The following ZC3H12B variants were observed in gnomAD, a reference collection of about 807,000 sequenced individuals.
ZC3H12B encodes the protein probable ribonuclease ZC3H12B.
Under a neutral mutation model 43.9 loss-of-function variants are expected in ZC3H12B, and 7 were observed. The ratio of observed to expected loss-of-function variants is 0.16; its 90% confidence interval spans 0.09 to 0.30. The LOEUF (loss-of-function observed/expected upper bound fraction) is 0.30, where lower values mean the gene tolerates loss of function less well. Among genes scored for constraint, ZC3H12B ranks in the 10% least tolerant of loss-of-function variants. ZC3H12B has a pLI of 1.00. For synonymous variants in ZC3H12B, 222 were observed against 241.7 expected, an observed-to-expected ratio of 0.92 and a Z score of 0.76; for missense variants, 475 against 670.2, an observed-to-expected ratio of 0.71 and a Z score of 3.22.
chrX:65,440,983 G>A (rs1202563298), intron 3 of ZC3H12B, among the ~76,000 whole-genome samples: 2 of 112,301 alleles, frequency 1.8e-5, no homozygotes, highest in Non-Finnish European at 1.9e-5. Context: ...AACAATGGCT[G>A]CCATCAAAAT....
intron 3 of ZC3H12B, among the ~76,000 whole-genome samples, chrX:65,462,129 C>T (rs186452347): frequency 1.8e-5 from 2 of 111,352 alleles, no homozygotes; most frequent in African/African-American, 6.5e-5. Context: ...GATTCAATTG[C>T]CTATTAAAAA....
chrX:65,120,523 G>A, the ZC3H12B span, among the ~76,000 whole-genome samples: 14 of 111,656 alleles, frequency 1.3e-4, no homozygotes, highest in Non-Finnish European at 2.3e-4. Context: ...TGCTGAAGTT[G>A]CCTATCAGCT....
the ZC3H12B span, among the ~76,000 whole-genome samples, chrX:65,169,558 T>A: frequency 1.1e-3 from 118 of 112,053 alleles, no homozygotes; most frequent in African/African-American, 3.7e-3. Flanking sequence ...ATCTGCTTAG[T>A]GCACAGCTGA....
the ZC3H12B span, among the ~76,000 whole-genome samples, chrX:65,192,800 A>ATAGATAGG: frequency 5.0e-4 from 56 of 111,164 alleles, no homozygotes; most frequent in African/African-American, 1.8e-3. Context: ...AGATAGATAG[A>ATAGATAGG]TAGATTGTTT....
chrX:65,179,574 A>G, the ZC3H12B span, among the ~76,000 whole-genome samples: 1 of 110,754 alleles, frequency 9.0e-6, no homozygotes, highest in Admixed American at 9.7e-5. Flanking sequence ...TTAAAAGACT[A>G]ACAAAATAGA....
chrX:65,484,471 G>T (rs1284774372), upstream of ZC3H12B, among the ~76,000 whole-genome samples: 1 of 111,551 alleles, frequency 9.0e-6, no homozygotes, highest in African/African-American at 3.3e-5. Flanking sequence ...CAATTATCTG[G>T]GCCCACCAGA....
At chrX:65,226,956 A>T in the ZC3H12B span, among the ~76,000 whole-genome samples, 1 of 111,209 alleles carries the variant, frequency 9.0e-6, no homozygotes, top group Admixed American at 9.6e-5. Flanking sequence ...CCCCACTCTC[A>T]ACATTACACA....
the ZC3H12B span, among the ~76,000 whole-genome samples, chrX:65,147,023 C>G: frequency 8.9e-6 from 1 of 112,149 alleles, no homozygotes; most frequent in Non-Finnish European, 1.9e-5. Context: ...CTAGTCCTGT[C>G]TCTCATCCAC....
the ZC3H12B span, among the ~76,000 whole-genome samples, chrX:65,038,011 C>G: frequency 9.0e-6 from 1 of 111,049 alleles, no homozygotes; most frequent in Non-Finnish European, 1.9e-5. Flanking sequence ...TTCTAACAAC[C>G]TTCCGCTATA....
chrX:65,284,611 A>G, the ZC3H12B span, among the ~76,000 whole-genome samples: 1 of 110,663 alleles, frequency 9.0e-6, no homozygotes, highest in Non-Finnish European at 1.9e-5. Flanking sequence ...AAAATACAAA[A>G]TTATCTGGGC....
At chrX:65,115,823 C>T in the ZC3H12B span, among the ~76,000 whole-genome samples, 2 of 111,729 alleles carry the variant, frequency 1.8e-5, no homozygotes, top group East Asian at 5.7e-4. Flanking sequence ...GAGCATTTTT[C>T]CATATGCTTT....
chrX:65,250,844 G>T, the ZC3H12B span, among the ~76,000 whole-genome samples: 2 of 111,564 alleles, frequency 1.8e-5, no homozygotes, highest in South Asian at 7.5e-4. Context: ...TTAGCCCTTT[G>T]TCAGATGAGC....
chrX:65,465,913 C>CAT (rs1207068129), intron 3 of ZC3H12B, among the ~76,000 whole-genome samples: 1 of 109,371 alleles, frequency 9.1e-6, no homozygotes, highest in African/African-American at 3.3e-5. Flanking sequence ...ATAATATATT[C>CAT]ATATATATAT....
chrX:65,036,091 T>C, the ZC3H12B span, among the ~76,000 whole-genome samples: 1 of 111,856 alleles, frequency 8.9e-6, no homozygotes, highest in Admixed American at 9.5e-5. Flanking sequence ...CCAGAAAACA[T>C]TGGCATGAGG....
chrX:65,119,182 G>A, the ZC3H12B span, among the ~76,000 whole-genome samples: 1 of 111,405 alleles, frequency 9.0e-6, no homozygotes, highest in Non-Finnish European at 1.9e-5. Flanking sequence ...GGATGGCTGG[G>A]TCAAATGGTA....
the ZC3H12B span, among the ~76,000 whole-genome samples, chrX:65,265,759 A>C: frequency 8.9e-6 from 1 of 111,888 alleles, no homozygotes; most frequent in Non-Finnish European, 1.9e-5. Context: ...GCTTCTGGCC[A>C]TGACAAAGTA....
the ZC3H12B span, among the ~76,000 whole-genome samples, chrX:65,293,135 A>G: frequency 8.9e-6 from 1 of 112,034 alleles, no homozygotes; most frequent in African/African-American, 3.2e-5. Flanking sequence ...AGGTGATGGT[A>G]TCGACAGCTG....
At chrX:65,445,805 G>A (rs1055634615) in intron 3 of ZC3H12B, among the ~76,000 whole-genome samples, 3 of 112,296 alleles carry the variant, frequency 2.7e-5, no homozygotes, top group African/African-American at 6.5e-5. Context: ...GCTAGGAGTC[G>A]GGAATTTTAG....
the ZC3H12B span, among the ~76,000 whole-genome samples, chrX:65,359,070 C>A: frequency 2.8e-3 from 308 of 111,217 alleles, 3 homozygotes; most frequent in African/African-American, 9.5e-3. Context: ...ATAAATGGAA[C>A]AACCAAGTCC....
Sources: allele counts gnomAD v4.1 joint callset (sites outside exome capture counted in the v4.1 genomes callset), GRCh38; gene constraint gnomAD v4.1.1; transcripts MANE v1.5; gene names NCBI Gene and HGNC (gene_info 2026-07-23, HGNC 2026-07-21).